SYT2: variants seen among roughly 807,000 people sequenced by gnomAD.
SYT2 encodes synaptotagmin 2, also known as synaptotagmin-2.
In SYT2, 15 loss-of-function variants were observed where a neutral mutation model predicts 39.9. That is an observed-to-expected ratio of 0.38 (90% CI 0.25 to 0.58). The LOEUF is 0.58. Among genes scored for constraint, SYT2 ranks in the 20% least tolerant of loss-of-function variants. The pLI is 0.70. For synonymous variants in SYT2, 181 were observed against 204.5 expected (o/e 0.89, Z 0.98); for missense variants, 389 against 530.3 (o/e 0.73, Z 2.62).
At chr1:202,641,435 A>G (rs1274407801) in intron 1 of SYT2, among the ~76,000 whole-genome samples, 1 of 152,250 alleles carries the variant, frequency 6.6e-6, no homozygotes, top group Non-Finnish European at 1.5e-5. Context: ...GAGGAAAGCA[A>G]GAAAGGGCCT....
rs890937455 is a variant in SYT2 at position 202,672,966 on chromosome 1, T to C, written c.-18+37292A>G. 2.0e-5 allele frequency among the ~76,000 whole-genome samples: 3 copies of C among 151,684 alleles called. No homozygotes were observed. The East Asian group carries it at 5.8e-4, about 29-fold the overall frequency. On this transcript the variant is annotated intron_variant, in intron 1 of 8. Transcript: ENST00000367268. Reference sequence around the variant, plus strand: ...AAAACTAAAGAAAAAGTCTTAAAAATGTAGAGCCGAAATAACCAAACTAGC... The same window carrying C: ...AAAACTAAAGAAAAAGTCTTAAAAACGTAGAGCCGAAATAACCAAACTAGC...
intron 1 of SYT2, among the ~76,000 whole-genome samples, chr1:202,697,364 A>G: frequency 6.6e-6 from 1 of 152,122 alleles, no homozygotes; most frequent in East Asian, 1.9e-4. Context: ...TTTCATCCCC[A>G]CTTTCCAAGG....
At chr1:202,708,105 C>T (rs1428189083) in intron 1 of SYT2, among the ~76,000 whole-genome samples, 1 of 152,212 alleles carries the variant, frequency 6.6e-6, no homozygotes, top group East Asian at 1.9e-4. Flanking sequence ...AAATTGAAGC[C>T]AGTTGCAAGC....
chr1:202,606,419 G>A (rs529270657), intron 1 of SYT2, among the ~76,000 whole-genome samples: 72 of 152,160 alleles, frequency 4.7e-4, no homozygotes, highest in African/African-American at 1.5e-3. Context: ...CTCTCTCCTT[G>A]ACTTCCAAGG....
intron 1 of SYT2, among the ~76,000 whole-genome samples, chr1:202,699,863 G>A (rs542430512): frequency 4.6e-5 from 7 of 152,046 alleles, no homozygotes; most frequent in East Asian, 1.9e-4. Flanking sequence ...CTTGATCACC[G>A]TTGAGTTGAT....
At chr1:202,686,422 T>G (rs1283377355) in intron 1 of SYT2, among the ~76,000 whole-genome samples, 1 of 152,180 alleles carries the variant, frequency 6.6e-6, no homozygotes, top group East Asian at 1.9e-4. Context: ...TGTCTTAACC[T>G]CAGACAGACA....
At chr1:202,618,400 AGT>A (rs57621822) in intron 1 of SYT2, among the ~76,000 whole-genome samples, 21,553 of 148,708 alleles carry the variant, frequency 0.14, 1,895 homozygotes, top group East Asian at 0.31. Flanking sequence ...GTCTGGTGTG[AGT>A]GTGTGTGTGT....
chr1:202,619,466 A>G (rs1228025332), intron 1 of SYT2, among the ~76,000 whole-genome samples: 1 of 152,198 alleles, frequency 6.6e-6, no homozygotes, highest in Non-Finnish European at 1.5e-5. Flanking sequence ...GGGAGAAGAC[A>G]CACAAGGGAA....
At chr1:202,662,623 A>G (rs1692403043) in intron 1 of SYT2, among the ~76,000 whole-genome samples, 1 of 152,176 alleles carries the variant, frequency 6.6e-6, no homozygotes, top group Non-Finnish European at 1.5e-5. Context: ...AGGTGAGTGC[A>G]CATGTCCCTA....
At chr1:202,703,995 C>T (rs1400308491) in intron 1 of SYT2, among the ~76,000 whole-genome samples, 1 of 152,220 alleles carries the variant, frequency 6.6e-6, no homozygotes, top group African/African-American at 2.4e-5. Context: ...TCTGAGGACT[C>T]CCTGCCTTAC....
At chr1:202,702,436 G>C (rs1028901797) in intron 1 of SYT2, among the ~76,000 whole-genome samples, 2 of 152,168 alleles carry the variant, frequency 1.3e-5, no homozygotes, top group Non-Finnish European at 2.9e-5. Context: ...GTCAAACTGG[G>C]AGAGGGAGCC....
intron 1 of SYT2, among the ~76,000 whole-genome samples, chr1:202,654,219 G>C (rs1471255047): frequency 6.6e-6 from 1 of 152,228 alleles, no homozygotes; most frequent in Non-Finnish European, 1.5e-5. Flanking sequence ...TTTAGCTGCT[G>C]CTTAAATGGA....
intron 1 of SYT2, among the ~76,000 whole-genome samples, chr1:202,669,134 G>A (rs183815983): frequency 2.1e-4 from 32 of 152,340 alleles, no homozygotes; most frequent in Admixed American, 2.0e-3. Context: ...GTGAGATACT[G>A]TGAGTCACAT....
At chr1:202,698,112 A>ACCGC (rs1553344145) in intron 1 of SYT2, among the ~76,000 whole-genome samples, 1 of 150,266 alleles carries the variant, frequency 6.7e-6, no homozygotes, top group Non-Finnish European at 1.5e-5. Flanking sequence ...GGGTCTCACC[A>ACCGC]CCCCCCCAAG....
At chr1:202,681,720 T>A (rs1343166001) in intron 1 of SYT2, among the ~76,000 whole-genome samples, 2 of 152,132 alleles carry the variant, frequency 1.3e-5, no homozygotes, top group Admixed American at 1.3e-4. Context: ...GCCATAGACA[T>A]GTGTGGCACC....
chr1:202,626,920 C>T (rs1375239164), intron 1 of SYT2, among the ~76,000 whole-genome samples: 2 of 152,222 alleles, frequency 1.3e-5, no homozygotes, highest in Non-Finnish European at 2.9e-5. Context: ...ATTGAAGAGG[C>T]CACATGTGCT....
At chr1:202,649,677 T>C (rs868026422) in intron 1 of SYT2, among the ~76,000 whole-genome samples, 8 of 152,180 alleles carry the variant, frequency 5.3e-5, no homozygotes, top group Admixed American at 3.9e-4. Flanking sequence ...GGTGCCTCCT[T>C]CCTCAGTCAT....
At chr1:202,681,372 C>T (rs1452948147) in intron 1 of SYT2, among the ~76,000 whole-genome samples, 2 of 152,224 alleles carry the variant, frequency 1.3e-5, no homozygotes, top group Admixed American at 1.3e-4. Context: ...GCGGAGAATC[C>T]TCCACCGCCA....
At chr1:202,639,921 A>G in intron 1 of SYT2, 3 of 830,064 alleles carry the variant, frequency 3.6e-6, no homozygotes, top group Non-Finnish European at 4.4e-6. Flanking sequence ...CTGTGATAAC[A>G]TAGAACCTCA....
Sources: allele counts gnomAD v4.1 joint callset (sites outside exome capture counted in the v4.1 genomes callset), GRCh38; gene constraint gnomAD v4.1.1; transcripts MANE v1.5; gene names NCBI Gene and HGNC (gene_info 2026-07-23, HGNC 2026-07-21).